Variants in C12orf56 observed in about 807,000 individuals in gnomAD.
C12orf56 encodes the protein uncharacterized protein C12orf56.
A neutral mutation model predicts 69.9 loss-of-function variants in C12orf56; 71 were observed. The ratio of observed to expected loss-of-function variants is 1.02; its 90% CI spans 0.84 to 1.24. The LOEUF is 1.24. Ranked by LOEUF, C12orf56 falls within the 50% of genes most tolerant of loss-of-function variation. The probability of loss-of-function intolerance (pLI) is 0.00; values close to 1 mark genes in which losing one functional copy is unlikely to be tolerated. For synonymous variants in C12orf56, 276 were observed against 274.1 expected (o/e 1.01, Z -0.07); for missense variants, 732 against 738.5 (o/e 0.99, Z 0.10).
At chr12:64,365,875 A>ATAATATATAGTGTATATATTG in intron 1 of C12orf56, among the ~76,000 whole-genome samples, 1 of 135,996 alleles carries the variant, frequency 7.4e-6, no homozygotes, top group African/African-American at 2.8e-5. Flanking sequence ...TATATATTAT[A>ATAATATATAGTGTATATATTG]CATTATATAT....
At chr12:64,384,864 G>C (rs1007435738) in intron 1 of C12orf56, among the ~76,000 whole-genome samples, 12 of 152,072 alleles carry the variant, frequency 7.9e-5, no homozygotes, top group African/African-American at 2.9e-4. Flanking sequence ...GACTGGCCTG[G>C]CCAACATGGT....
intron 1 of C12orf56, among the ~76,000 whole-genome samples, chr12:64,353,551 T>C (rs1009127835): frequency 5.9e-5 from 9 of 152,228 alleles, no homozygotes; most frequent in Non-Finnish European, 1.0e-4. Context: ...CTATTTGTTT[T>C]AGTCCTTACC....
At chr12:64,340,793 C>G (rs1003148406) in intron 2 of C12orf56, among the ~76,000 whole-genome samples, 2 of 152,222 alleles carry the variant, frequency 1.3e-5, no homozygotes, top group South Asian at 4.2e-4. Flanking sequence ...CTTCTACTAC[C>G]CATTCTGTAT....
intron 1 of C12orf56, among the ~76,000 whole-genome samples, chr12:64,377,332 G>A (rs1281656984): frequency 2.0e-5 from 3 of 151,766 alleles, no homozygotes; most frequent in Non-Finnish European, 4.4e-5. Flanking sequence ...TGGGATTACA[G>A]GCAAGTGCAC....
intron 6 of C12orf56, among the ~76,000 whole-genome samples, chr12:64,300,828 CA>C (rs2038433899): frequency 6.6e-6 from 1 of 152,186 alleles, no homozygotes; most frequent in Non-Finnish European, 1.5e-5. Context: ...TTCATTTTCC[CA>C]GTGCCCACCT....
chr12:64,349,825 G>C (rs1427352068), intron 2 of C12orf56, among the ~76,000 whole-genome samples: 1 of 152,204 alleles, frequency 6.6e-6, no homozygotes, highest in East Asian at 1.9e-4. Context: ...TGGGAATGGT[G>C]GCTCACGCCT....
intron 1 of C12orf56, among the ~76,000 whole-genome samples, chr12:64,368,177 A>G (rs933891982): frequency 6.6e-6 from 1 of 152,032 alleles, no homozygotes; most frequent in African/African-American, 2.4e-5. Flanking sequence ...AATCATGGCT[A>G]CTGCAGCCTC....
chr12:64,366,356 T>C (rs62652093), intron 1 of C12orf56, among the ~76,000 whole-genome samples: 18,133 of 58,620 alleles, frequency 0.31, 3,988 homozygotes, highest in Non-Finnish European at 0.41. Context: ...TTATATATTA[T>C]ATACAGTTTA....
chr12:64,328,732 T>TATATAGATATAG (rs71092957), intron 3 of C12orf56, among the ~76,000 whole-genome samples: 2 of 107,176 alleles, frequency 1.9e-5, no homozygotes, highest in African/African-American at 6.6e-5. Flanking sequence ...TATATATATA[T>TATATAGATATAG]ATATAGTATC....
At chr12:64,353,970 C>T (rs1305809984) in intron 1 of C12orf56, among the ~76,000 whole-genome samples, 8 of 152,190 alleles carry the variant, frequency 5.3e-5, no homozygotes, top group African/African-American at 1.2e-4. Flanking sequence ...CGTGAGCCAC[C>T]GTGCCTGGTC....
rs189685956 is a variant in C12orf56, at chr12:64,298,254, A to C, written c.1113+5381T>G. On this transcript the variant is annotated intron_variant, in intron 6 of 12. Transcript: ENST00000543942. Reference sequence around the variant, plus strand: ...TTGTTTTTTGCTTGTAAATTTGTTTACGTCCTTTGTAGATTCTGGATATTA... The same window carrying C: ...TTGTTTTTTGCTTGTAAATTTGTTTCCGTCCTTTGTAGATTCTGGATATTA... Among the ~76,000 whole-genome samples, 44 of 152,114 alleles carry C rather than the reference A, an allele frequency of 2.9e-4. 1 individual carries two copies. Among genetic ancestry groups the C allele is most frequent in the Admixed American group, 2.4e-3 (36 of 15,274 alleles).
intron 1 of C12orf56, among the ~76,000 whole-genome samples, chr12:64,366,439 TAC>T (rs1207642832): frequency 1.9e-4 from 7 of 37,664 alleles, no homozygotes; most frequent in African/African-American, 5.3e-4. Flanking sequence ...ATATATAACA[TAC>T]AGTTTATATA....
At chr12:64,333,072 T>C (rs148925735) in intron 2 of C12orf56, among the ~76,000 whole-genome samples, 3 of 152,240 alleles carry the variant, frequency 2.0e-5, no homozygotes, top group Non-Finnish European at 2.9e-5. Flanking sequence ...AATGCCTTTG[T>C]ATATTGCTGG....
At chr12:64,330,520 A>G (rs182675629) in intron 3 of C12orf56, among the ~76,000 whole-genome samples, 71 of 152,300 alleles carry the variant, frequency 4.7e-4, no homozygotes, top group African/African-American at 1.4e-3. Context: ...AAAATTGCTC[A>G]GACTCATTCA....
rs1273270241 is a variant in C12orf56, at chr12:64,390,475, C to T, written c.91G>A (p.Asp31Asn). 5 of 1,605,634 alleles carry T rather than the reference C, an allele frequency of 3.1e-6. No individual in the cohort carries two copies. The highest frequency in any genetic ancestry group is 4.2e-6 in the Non-Finnish European group (5 of 1,179,658). Residue 31 changes from aspartate to asparagine, a missense_variant, in exon 1 of 13, where the codon GAC (aspartate) becomes AAC (asparagine). Transcript: ENST00000543942. ...CATGGCTCGTAGGCGCGGACCGCGT[C>T]GTAGACCTCGGGCGGCAGATGCCGC... is the stretch of plus-strand genomic sequence containing the variant. ...LRRHLPPEVY[D>N]AVRAYEPCIV...
intron 1 of C12orf56, among the ~76,000 whole-genome samples, chr12:64,371,851 A>G (rs1592498095): frequency 6.6e-6 from 1 of 151,940 alleles, no homozygotes; most frequent in East Asian, 1.9e-4. Context: ...TAATAATAAT[A>G]AAAAGAAAAT....
chr12:64,318,616 T>C lies in C12orf56; in HGVS notation c.853A>G (p.Ile285Val), dbSNP rs2038721251. Reference sequence around the variant, plus strand: ...CATGAACTTTTTAAGTGCAGAAATATTGATGAGGTTGTGGAAATAACATAC... The same window carrying C: ...CATGAACTTTTTAAGTGCAGAAATACTGATGAGGTTGTGGAAATAACATAC... ...HLYVISTTSS[I>V]FLHLKSSWNN... Residue 285 changes from isoleucine (I) to valine (V), a missense_variant, in exon 4 of 13, where the codon ATA becomes GTA. Ile to Val is a conservative substitution (Grantham distance 29, BLOSUM62 3). Coordinates refer to ENST00000543942, the MANE Select transcript of C12orf56 (RefSeq NM_001170633.2). 6.5e-7 allele frequency: 1 copy of C among 1,536,542 alleles called. No individual in the cohort carries two copies.
intron 3 of C12orf56, among the ~76,000 whole-genome samples, chr12:64,323,703 G>A (rs1037908316): frequency 6.6e-6 from 1 of 151,730 alleles, no homozygotes; most frequent in Non-Finnish European, 1.5e-5. Flanking sequence ...AAGAGATGGG[G>A]TTTCACCATG....
chr12:64,352,117 T>G (rs139588942), intron 2 of C12orf56, among the ~76,000 whole-genome samples: 1 of 6,806 alleles, frequency 1.5e-4, no homozygotes, highest in Non-Finnish European at 6.5e-4. Flanking sequence ...TTTTTTTTTG[T>G]TTTTTTTTTT....
Sources: allele counts gnomAD v4.1 joint callset (sites outside exome capture counted in the v4.1 genomes callset), GRCh38; gene constraint gnomAD v4.1.1; transcripts MANE v1.5; gene names NCBI Gene and HGNC (gene_info 2026-07-23, HGNC 2026-07-21).